The following ERGIC1 variants were observed in gnomAD, a reference collection of about 807,000 sequenced individuals.
The protein encoded by ERGIC1 is endoplasmic reticulum-Golgi intermediate compartment protein 1.
Under a neutral mutation model 38.3 loss-of-function variants are expected in ERGIC1, and 19 were observed. The ratio of observed to expected loss-of-function variants is 0.50; its 90% confidence interval spans 0.35 to 0.73. The LOEUF is 0.73. Ranked by LOEUF, ERGIC1 falls within the 30% of genes least tolerant of loss-of-function variation. The pLI, the probability that ERGIC1 is intolerant of heterozygous loss-of-function variation, is 0.01. For synonymous variants in ERGIC1, 124 were observed against 157.6 expected, an observed-to-expected ratio of 0.79 and a Z score of 1.60; for missense variants, 294 against 389.2, an observed-to-expected ratio of 0.76 and a Z score of 2.06.
chr5:172,838,961 A>G (rs529555117), intron 1 of ERGIC1, among the ~76,000 whole-genome samples: 17 of 152,230 alleles, frequency 1.1e-4, no homozygotes, highest in South Asian at 6.2e-4. Context: ...AAAATATAAA[A>G]TGAGCGCTGT....
chr5:172,939,357 G>A (rs1185896627), intron 9 of ERGIC1, among the ~76,000 whole-genome samples: 2 of 152,330 alleles, frequency 1.3e-5, no homozygotes, highest in East Asian at 3.9e-4. Flanking sequence ...CCTGTGATGG[G>A]CCTTGAGCTG....
intron 1 of ERGIC1, among the ~76,000 whole-genome samples, chr5:172,864,009 A>C (rs1761786933): frequency 6.6e-6 from 1 of 152,170 alleles, no homozygotes; most frequent in African/African-American, 2.4e-5. Flanking sequence ...TAGCGTGACC[A>C]ACATGCTGAA....
rs1369062871 is a variant in ERGIC1 at position 172,935,135 on chromosome 5, CG to C, written c.643-52del. The stretch of plus-strand genomic sequence containing the variant: ...GGGGGGCCCTCTGCAATCCAGTCCC[CG>C]CCCCCCCTGAGACACAGTTTGTACT... On this transcript the variant is annotated intron_variant, in intron 8 of 9. Transcript: ENST00000393784. 14 of 1,612,042 alleles carry C rather than the reference CG, an allele frequency of 8.7e-6. No individual in the cohort carries two copies. In the South Asian group the frequency reaches 1.4e-4, roughly 16 times the overall value.
chr5:172,909,648 A>G lies in ERGIC1; in HGVS notation c.156-19A>G, dbSNP rs778118252. On this transcript the variant is annotated intron_variant, in intron 3 of 9. Coordinates refer to ENST00000393784, the MANE Select transcript of ERGIC1 (RefSeq NM_001031711.3). Reference sequence around the variant, plus strand: ...TGCCGCCATCTCAACAAAGGTTCCTATACTTGTCTTTCCCCTAGTGTGAAC... The same window carrying G: ...TGCCGCCATCTCAACAAAGGTTCCTGTACTTGTCTTTCCCCTAGTGTGAAC... The G allele has an allele frequency of 1.4e-5, 23 of 1,612,494 alleles. No homozygotes were observed. Among genetic ancestry groups the G allele is most frequent in the Non-Finnish European group, 8.5e-7 (1 of 1,178,622 alleles).
At chr5:172,919,324 G>T (rs529703984) in intron 5 of ERGIC1, among the ~76,000 whole-genome samples, 2 of 152,080 alleles carry the variant, frequency 1.3e-5, no homozygotes, top group African/African-American at 4.8e-5. Flanking sequence ...TGGGCCCCCC[G>T]CCCCCGGGGA....
intron 1 of ERGIC1, among the ~76,000 whole-genome samples, chr5:172,860,687 A>T (rs1002176895): frequency 1.3e-5 from 2 of 152,218 alleles, no homozygotes; most frequent in Non-Finnish European, 2.9e-5. Context: ...GGGGCCAAGC[A>T]TGGGTCCTGG....
chr5:172,871,186 G>A (rs532518182), intron 1 of ERGIC1, among the ~76,000 whole-genome samples: 55 of 152,356 alleles, frequency 3.6e-4, no homozygotes, highest in Non-Finnish European at 7.2e-4. Flanking sequence ...TCCGGCCTGA[G>A]GCTGATTGGA....
intron 9 of ERGIC1, among the ~76,000 whole-genome samples, chr5:172,940,822 C>G (rs922096637): frequency 1.3e-5 from 2 of 152,218 alleles, no homozygotes; most frequent in African/African-American, 4.8e-5. Context: ...TTCATGCTTT[C>G]TAACCTGGGG....
At chr5:172,884,945 C>T (rs1430578121) in intron 1 of ERGIC1, among the ~76,000 whole-genome samples, 1 of 152,124 alleles carries the variant, frequency 6.6e-6, no homozygotes, top group Non-Finnish European at 1.5e-5. Flanking sequence ...CACCTGGCCC[C>T]ACTATCCTTG....
intron 9 of ERGIC1, among the ~76,000 whole-genome samples, chr5:172,943,382 C>T (rs143343742): frequency 2.8e-4 from 42 of 151,966 alleles, no homozygotes; most frequent in Non-Finnish European, 2.5e-4. Context: ...AACCACTTCC[C>T]TTCCCCGACT....
intron 7 of ERGIC1, among the ~76,000 whole-genome samples, chr5:172,929,151 A>ATGTGTGTGTG (rs10647641): frequency 1.9e-4 from 27 of 139,920 alleles, no homozygotes; most frequent in African/African-American, 7.3e-4. Context: ...TCATATATAT[A>ATGTGTGTGTG]TATGTGTGTG....
chr5:172,940,320 G>T (rs1457384241), intron 9 of ERGIC1, among the ~76,000 whole-genome samples: 1 of 152,184 alleles, frequency 6.6e-6, no homozygotes, highest in Non-Finnish European at 1.5e-5. Flanking sequence ...GGGGCACCTT[G>T]CTCAGAGCGA....
At chr5:172,939,880 G>A (rs187047760) in intron 9 of ERGIC1, among the ~76,000 whole-genome samples, 15 of 152,328 alleles carry the variant, frequency 9.8e-5, no homozygotes, top group Non-Finnish European at 1.9e-4. Flanking sequence ...GTACACACAC[G>A]GCACAAAGAT....
intron 1 of ERGIC1, among the ~76,000 whole-genome samples, chr5:172,855,214 G>T (rs941190820): frequency 6.6e-6 from 1 of 152,168 alleles, no homozygotes; most frequent in Non-Finnish European, 1.5e-5. Context: ...GAACAATGAC[G>T]CTGGTTTCCA....
intron 9 of ERGIC1, chr5:172,936,563 A>G (rs1469763856): frequency 6.6e-6 from 1 of 152,214 alleles, no homozygotes; most frequent in Non-Finnish European, 1.5e-5. Context: ...GGGTGCCAGG[A>G]GGCAGAACAG....
At chr5:172,868,778 G>A (rs2113147278) in intron 1 of ERGIC1, among the ~76,000 whole-genome samples, 1 of 152,370 alleles carries the variant, frequency 6.6e-6, no homozygotes, top group South Asian at 2.1e-4. Context: ...GATAGTGAGG[G>A]AGGCTGTGCA....
At chr5:172,939,533 G>A (rs552472266) in intron 9 of ERGIC1, among the ~76,000 whole-genome samples, 25 of 152,338 alleles carry the variant, frequency 1.6e-4, no homozygotes, top group African/African-American at 3.8e-4. Context: ...CCCTTCCTTC[G>A]TCAGAGACCC....
Position 172,877,626 on chromosome 5 carries a change from C to T in ERGIC1, c.21-11073C>T, listed in dbSNP as rs531355054. Among the ~76,000 whole-genome samples, 86 of 151,874 alleles carry T rather than the reference C, an allele frequency of 5.7e-4. 3 individuals are homozygous for T. The East Asian group carries it at 0.012, about 21-fold the overall frequency. On this transcript the variant is annotated intron_variant, in intron 1 of 9. Transcript: ENST00000393784. Reference sequence around the variant, plus strand: ...ACAGAATGCAGCGTTCTGCCTTGGCCTTTTCCTCTTACTGTATCCTGGAGA... The same window carrying T: ...ACAGAATGCAGCGTTCTGCCTTGGCTTTTTCCTCTTACTGTATCCTGGAGA...
chr5:172,915,021 C>T (rs769819094), intron 5 of ERGIC1, 183 bp downstream of exon 5: 1 of 971,292 alleles, frequency 1.0e-6, no homozygotes, highest in South Asian at 1.4e-5. Flanking sequence ...TCCAGGCTCC[C>T]TGGGGTTTTA....
Sources: gnomAD v4.1 joint callset for allele counts (sites outside exome capture counted in the v4.1 genomes callset) on GRCh38, gnomAD v4.1.1 for gene constraint, MANE v1.5 for transcripts, NCBI Gene and HGNC (gene_info 2026-07-23, HGNC 2026-07-21) for gene names.